PIGK: variants seen among roughly 807,000 people sequenced by gnomAD.
PIGK encodes phosphatidylinositol glycan anchor biosynthesis class K, also known as GPI-anchor transamidase.
PIGK carries 42 observed loss-of-function variants against 50.6 expected under a neutral mutation model. That is an observed-to-expected ratio of 0.83 (90% CI 0.65 to 1.07). The LOEUF (loss-of-function observed/expected upper bound fraction) is 1.07. Among genes scored for constraint, PIGK ranks in the 50% least tolerant of loss-of-function variants. The pLI is 0.00. For synonymous variants in PIGK, 151 were observed against 156.0 expected, an observed-to-expected ratio of 0.97 and a Z score of 0.24; for missense variants, 448 against 488.7, an observed-to-expected ratio of 0.92 and a Z score of 0.78.
At chr1:77,142,597 C>A (rs1049093661) in intron 9 of PIGK, among the ~76,000 whole-genome samples, 1 of 152,022 alleles carries the variant, frequency 6.6e-6, no homozygotes, top group Non-Finnish European at 1.5e-5. Context: ...GCTGGGGAGG[C>A]CTTAGGAAAC....
intron 10 of PIGK, among the ~76,000 whole-genome samples, chr1:77,096,897 T>G (rs1352473523): frequency 1.4e-5 from 2 of 143,144 alleles, no homozygotes; most frequent in African/African-American, 2.7e-5. Flanking sequence ...TTTTTTTTTT[T>G]GTTTTTTTGT....
intron 3 of PIGK, among the ~76,000 whole-genome samples, chr1:77,201,095 G>A (rs1459337850): frequency 3.3e-5 from 5 of 152,092 alleles, no homozygotes; most frequent in African/African-American, 1.2e-4. Context: ...TTACGTATAA[G>A]GCCAAATCCA....
rs538422014 is a variant in PIGK at position 77,177,986 on chromosome 1, C to T, written c.240-8591G>A. On this transcript the variant is annotated intron_variant, in intron 3 of 10. Coordinates refer to ENST00000370812, the MANE Select transcript of PIGK (RefSeq NM_005482.3). ...AAGATGACAGCTTTTCCCAAGATCA[C>T]GAATCAAGACTTCTCTACTATCATG... Among the ~76,000 whole-genome samples, 132 of 152,254 alleles carry T rather than the reference C, an allele frequency of 8.7e-4. 1 individual carries two copies. Among genetic ancestry groups the T allele is most frequent in the African/African-American group, 1.2e-4 (5 of 41,550 alleles).
intron 3 of PIGK, among the ~76,000 whole-genome samples, chr1:77,175,921 T>C (rs534043667): frequency 2.0e-5 from 3 of 152,230 alleles, no homozygotes; most frequent in South Asian, 4.1e-4. Context: ...TTATTAAAAA[T>C]TGAGGTTGAC....
chr1:77,219,217 C>G, intron 1 of PIGK, 93 bp downstream of exon 1: 6 of 1,040,888 alleles, frequency 5.8e-6, no homozygotes, highest in Non-Finnish European at 8.9e-6. Flanking sequence ...CTGATTGACT[C>G]CAGGAGGCGT....
chr1:77,147,163 G>A (rs1654788623), intron 9 of PIGK, among the ~76,000 whole-genome samples: 2 of 152,050 alleles, frequency 1.3e-5, no homozygotes, highest in African/African-American at 2.4e-5. Context: ...GAATGAGAGG[G>A]GAGCAAAAGC....
intron 5 of PIGK, among the ~76,000 whole-genome samples, chr1:77,165,726 A>C (rs558038685): frequency 6.6e-6 from 1 of 152,300 alleles, no homozygotes; most frequent in African/African-American, 2.4e-5. Context: ...GAAACTAAAA[A>C]TTAACATGGG....
At chr1:77,198,737 C>T (rs180772831) in intron 3 of PIGK, among the ~76,000 whole-genome samples, 60 of 151,924 alleles carry the variant, frequency 3.9e-4, no homozygotes, top group Admixed American at 2.2e-3. Context: ...CTATTAAACC[C>T]GTAATTAAAT....
chr1:77,124,947 T>C (rs1654195390), intron 9 of PIGK, among the ~76,000 whole-genome samples: 2 of 152,182 alleles, frequency 1.3e-5, no homozygotes, highest in African/African-American at 4.8e-5. Context: ...CTTGTGCAGT[T>C]TGATTCCAGT....
intron 10 of PIGK, among the ~76,000 whole-genome samples, chr1:77,115,150 A>G (rs943934978): frequency 1.3e-5 from 2 of 152,250 alleles, no homozygotes; most frequent in Non-Finnish European, 2.9e-5. Flanking sequence ...AAGAGTAATG[A>G]TAAACAAAAA....
In PIGK at chr1:77,110,640, C is replaced by A. The variant is rs537638581; in HGVS notation, c.1071+11635G>T. ...TGGATTAAAGACTTACATGTTAGAA[C>A]TAAACCCATAAAAACCATAGAAGAA... is the stretch of plus-strand genomic sequence containing the variant. On this transcript the variant is annotated intron_variant, in intron 10 of 10. Transcript: ENST00000370812. Among the ~76,000 whole-genome samples, 10 of 152,288 alleles carry A rather than the reference C, an allele frequency of 6.6e-5. No homozygotes were observed. The South Asian group carries it at 1.9e-3, about 28-fold the overall frequency.
chr1:77,137,890 C>T (rs1308330386), intron 9 of PIGK, among the ~76,000 whole-genome samples: 2 of 152,206 alleles, frequency 1.3e-5, no homozygotes, highest in East Asian at 3.8e-4. Context: ...AGGAGTGAGC[C>T]ACCACGCCTG....
chr1:77,101,168 G>T (rs1413306913), intron 10 of PIGK, among the ~76,000 whole-genome samples: 1 of 152,092 alleles, frequency 6.6e-6, no homozygotes, highest in Admixed American at 6.5e-5. Flanking sequence ...TAAAAAAAAT[G>T]CAAGGAATCT....
At chr1:77,110,751 T>C (rs990232259) in intron 10 of PIGK, among the ~76,000 whole-genome samples, 3 of 152,030 alleles carry the variant, frequency 2.0e-5, no homozygotes, top group South Asian at 4.1e-4. Flanking sequence ...AAAGCAAAAA[T>C]TGACAAATGG....
chr1:77,172,215 C>T (rs963119723), intron 3 of PIGK, among the ~76,000 whole-genome samples: 4 of 152,018 alleles, frequency 2.6e-5, no homozygotes, highest in African/African-American at 9.7e-5. Context: ...ATTGAAAACC[C>T]AATTTAGGAG....
At chr1:77,166,368 A>C (rs890804726) in intron 5 of PIGK, among the ~76,000 whole-genome samples, 2 of 152,182 alleles carry the variant, frequency 1.3e-5, no homozygotes, top group Non-Finnish European at 2.9e-5. Flanking sequence ...AAACCATTAT[A>C]AAGTTTTAAG....
chr1:77,190,641 C>A (rs952936154), intron 3 of PIGK, among the ~76,000 whole-genome samples: 2 of 152,090 alleles, frequency 1.3e-5, no homozygotes, highest in African/African-American at 4.8e-5. Flanking sequence ...TAGTAAGATA[C>A]AAATGAAAAA....
At chr1:77,102,015 A>C (rs1185183439) in intron 10 of PIGK, among the ~76,000 whole-genome samples, 1 of 152,202 alleles carries the variant, frequency 6.6e-6, no homozygotes, top group Non-Finnish European at 1.5e-5. Flanking sequence ...ACACAAAAAA[A>C]ATTCTTCTAA....
intron 10 of PIGK, among the ~76,000 whole-genome samples, chr1:77,121,776 G>A (rs916640475): frequency 3.3e-5 from 5 of 152,162 alleles, no homozygotes; most frequent in African/African-American, 1.2e-4. Flanking sequence ...CAGTTATGTA[G>A]AACGGATGAT....
Sources: gnomAD v4.1 joint callset for allele counts (sites outside exome capture counted in the v4.1 genomes callset) on GRCh38, gnomAD v4.1.1 for gene constraint, MANE v1.5 for transcripts, NCBI Gene and HGNC (gene_info 2026-07-23, HGNC 2026-07-21) for gene names.